SHC2: variants seen among roughly 807,000 people sequenced by gnomAD.
The protein encoded by SHC2 is SHC-transforming protein 2.
SHC2 carries 62 observed loss-of-function variants against 60.6 expected under a neutral mutation model. That is an observed-to-expected ratio of 1.02 (90% confidence interval 0.83 to 1.26). SHC2 has a LOEUF of 1.26. Ranked by LOEUF, SHC2 falls within the 50% of genes most tolerant of loss-of-function variation. SHC2 has a pLI of 0.00. For synonymous variants in SHC2, 375 were observed against 372.4 expected, an observed-to-expected ratio of 1.01 and a Z score of -0.08; for missense variants, 873 against 822.2, an observed-to-expected ratio of 1.06 and a Z score of -0.76.
chr19:430,629 G>A, intron 9 of SHC2, 55 bp downstream of exon 9: 2 of 1,465,828 alleles, frequency 1.4e-6, no homozygotes, highest in African/African-American at 2.8e-5. Flanking sequence ...ACAGGACAGG[G>A]CTGAGGAGCC....
In SHC2 at chr19:425,351, C is replaced by T. The variant is rs980597364; in HGVS notation, c.1175-120G>A. ...ACCACCTGTGCTGCTGGCTGCAGGG[C>T]GGATGCTGCTCTGGTCTCCCTGTGG... On this transcript the variant is annotated intron_variant, in intron 9 of 12. Transcript: ENST00000264554. This position sits in a 1 kb window ranked among gnomAD's most constrained non-coding sequence, Gnocchi z 4.1. The T allele has an allele frequency of 2.1e-5, 18 of 839,036 alleles. 1 individual carries two copies. In the African/African-American group the frequency reaches 2.8e-4, roughly 13 times the overall value. 52.0% of individuals were successfully genotyped at this position (839,036 alleles called of 1,614,324 possible). A position where few individuals can be genotyped will look rare whatever the true frequency, so the allele number is the denominator to read the frequency against.
At chr19:460,091 C>T (rs540662061) in intron 1 of SHC2, among the ~76,000 whole-genome samples, 7 of 152,380 alleles carry the variant, frequency 4.6e-5, no homozygotes, top group Non-Finnish European at 1.0e-4. Flanking sequence ...ATCTGGAATC[C>T]TGGGGTCTGT....
intron 9 of SHC2, among the ~76,000 whole-genome samples, chr19:429,221 A>C (rs1018112749): frequency 2.1e-5 from 3 of 144,144 alleles, no homozygotes; most frequent in Non-Finnish European, 4.5e-5. Flanking sequence ...AGAGAAACCT[A>C]ATACCGTGTG....
chr19:442,203 GATGA>G (rs1974888760), intron 1 of SHC2, among the ~76,000 whole-genome samples: 1 of 152,134 alleles, frequency 6.6e-6, no homozygotes, highest in Non-Finnish European at 1.5e-5. Flanking sequence ...CAGGTGGATG[GATGA>G]ATGAAAGAAT....
chr19:425,363 T>C lies in SHC2; in HGVS notation c.1175-132A>G. 1.3e-6 allele frequency: 1 copy of C among 744,830 alleles called. No individual in the cohort carries two copies. The highest frequency in any genetic ancestry group is 1.8e-6 in the Non-Finnish European group (1 of 541,994). The allele number at this position is 744,830 out of a possible 1,614,324, so 46.1% of individuals were successfully genotyped here. A position where few individuals can be genotyped will look rare whatever the true frequency, so the allele number is the denominator to read the frequency against. On this transcript the variant is annotated intron_variant, in intron 9 of 12. Coordinates refer to ENST00000264554, the MANE Select transcript of SHC2 (RefSeq NM_012435.3). The surrounding 1 kb of genome is among the most constrained non-coding windows in gnomAD (Gnocchi z 4.1). ...GCTGGCTGCAGGGCGGATGCTGCTC[T>C]GGTCTCCCTGTGGTAACCCGCCCGT...
At chr19:449,362 A>AAAAAG in intron 1 of SHC2, among the ~76,000 whole-genome samples, 1 of 151,970 alleles carries the variant, frequency 6.6e-6, no homozygotes, top group South Asian at 2.1e-4. Context: ...CCTGTCTCAA[A>AAAAAG]AAAAGAAAAA....
chr19:455,069 C>T (rs1401433498), intron 1 of SHC2, among the ~76,000 whole-genome samples: 6 of 152,248 alleles, frequency 3.9e-5, no homozygotes, highest in Non-Finnish European at 8.8e-5. Context: ...TTAATGACAC[C>T]TGCAGAGAGC....
In SHC2 at chr19:440,156, T is replaced by C. The variant is rs1165313744; in HGVS notation, c.539+706A>G. ...AGCGTGTGATCCCATTGCTATGAAA[T>C]GTCCAGGACAGGCCGATCCACAGAG... On this transcript the variant is annotated intron_variant, in intron 2 of 12. Coordinates refer to ENST00000264554, the MANE Select transcript of SHC2 (RefSeq NM_012435.3). This position sits in a 1 kb window ranked among gnomAD's most constrained non-coding sequence, Gnocchi z 7.0. Among the ~76,000 whole-genome samples the C allele has an allele frequency of 6.7e-6, 1 of 149,724 alleles. No homozygotes were observed. The highest frequency in any genetic ancestry group is 1.5e-5 in the Non-Finnish European group (1 of 67,540).
rs1035693874 is a variant in SHC2 at position 434,199 on chromosome 19, C to A, written c.1110+510G>T. Among the ~76,000 whole-genome samples, 5 of 85,508 alleles carry A rather than the reference C, an allele frequency of 5.8e-5. No individual in the cohort carries two copies. The South Asian group carries it at 2.0e-3, about 34-fold the overall frequency. 56.1% of individuals were successfully genotyped at this position (85,508 alleles called of 152,430 possible). A position where few individuals can be genotyped will look rare whatever the true frequency, so the allele number is the denominator to read the frequency against. On this transcript the variant is annotated intron_variant, in intron 8 of 12. Transcript: ENST00000264554. ...TAGAGGAGGCCGGGCAGATACACGG[C>A]GCCCCATTGTGAGCCTGTGATTGAG...
chr19:419,314 C>T (rs1410065868), intron 11 of SHC2: 13 of 438,818 alleles, frequency 3.0e-5, no homozygotes, highest in East Asian at 2.5e-4. Context: ...CGGGAAGATG[C>T]GGCCAGGTCC....
chr19:439,801 G>A (rs373202754), intron 2 of SHC2, among the ~76,000 whole-genome samples: 4 of 152,048 alleles, frequency 2.6e-5, no homozygotes, highest in Non-Finnish European at 4.4e-5. Context: ...TGAGACGGGC[G>A]GATCACCTGA....
In SHC2 at chr19:445,646, G is replaced by A. The variant is rs1174802562; in HGVS notation, c.469-4714C>T. Among the ~76,000 whole-genome samples the A allele has an allele frequency of 6.6e-6, 1 of 152,184 alleles. No homozygotes were observed. The highest frequency in any genetic ancestry group is 6.5e-5 in the Admixed American group (1 of 15,282). The stretch of plus-strand genomic sequence containing the variant: ...CCAGCTACTCAGGAGGCTGAGGTGG[G>A]AGGATGGCTTGAGCCCAGGAGGTTG... On this transcript the variant is annotated intron_variant, in intron 1 of 12. Transcript: ENST00000264554. This position sits in a 1 kb window ranked among gnomAD's most constrained non-coding sequence, Gnocchi z 4.4.
At chr19:419,298 T>C (rs1438130208) in intron 11 of SHC2, 1 of 476,888 alleles carries the variant, frequency 2.1e-6, no homozygotes, top group Admixed American at 3.5e-5. Context: ...AGCTGAAAGG[T>C]GACCGCGGGA....
At chr19:430,856 T>A (rs1342811852) in intron 8 of SHC2, 109 bp from the exon 9 acceptor site, 3 of 991,110 alleles carry the variant, frequency 3.0e-6, no homozygotes, top group Admixed American at 4.3e-5. Flanking sequence ...GACTTAGGGG[T>A]GGGGAGCACA....
At position 418,968 on chromosome 19, in the gene SHC2, C is replaced by T. The variant is rs1974211299; in HGVS notation, c.1709G>A (p.Ser570Asn). The T allele has an allele frequency of 6.3e-7, 1 of 1,585,742 alleles. No individual in the cohort carries two copies. ...GACCACGCCACGCAGGTGCAGCTCA[C>T]TCTCGGCGGCCACGATGGGCTGCCC... ...QNGQPIVAAESELHLRGVVSR... is the reference protein window; with the variant it reads ...QNGQPIVAAENELHLRGVVSR... The change falls in exon 12 of 13, where the codon AGT becomes AAT. Residue 570 changes from serine (S) to asparagine (N), a missense_variant. Coordinates refer to ENST00000264554, the MANE Select transcript of SHC2 (RefSeq NM_012435.3).
Position 438,258 on chromosome 19 carries a change from C to T in SHC2, c.720+460G>A, listed in dbSNP as rs553247631. On this transcript the variant is annotated intron_variant, in intron 4 of 12. Transcript: ENST00000264554. The surrounding 1 kb of genome is among the most constrained non-coding windows in gnomAD (Gnocchi z 5.0). The stretch of plus-strand genomic sequence containing the variant: ...CCTCCCAAAGTGCTGGGGTTACAGG[C>T]GTGAGCCACTGAGCCCGGCCTCACA... 3.3e-5 allele frequency among the ~76,000 whole-genome samples: 5 copies of T among 152,192 alleles called. No homozygotes were observed. Among genetic ancestry groups the T allele is most frequent in the South Asian group, 4.1e-4 (2 of 4,832 alleles).
At chr19:442,219 G>T in intron 1 of SHC2, among the ~76,000 whole-genome samples, 1 of 152,014 alleles carries the variant, frequency 6.6e-6, no homozygotes, top group Non-Finnish European at 1.5e-5. Context: ...TGAAAGAATG[G>T]ATGGAAGATG....
intron 9 of SHC2, among the ~76,000 whole-genome samples, chr19:430,283 C>T (rs1487397658): frequency 7.0e-6 from 1 of 143,580 alleles, no homozygotes; most frequent in African/African-American, 2.6e-5. Flanking sequence ...AGTACCTATA[C>T]CCCAACGTGC....
At chr19:420,911 G>C (rs1001802899) in intron 11 of SHC2, among the ~76,000 whole-genome samples, 1 of 152,042 alleles carries the variant, frequency 6.6e-6, no homozygotes. Flanking sequence ...TTAGTCAGGC[G>C]TGGTGGTGGG....
Sources: allele counts gnomAD v4.1 joint callset (sites outside exome capture counted in the v4.1 genomes callset), GRCh38; gene constraint gnomAD v4.1.1; non-coding constraint Gnocchi (gnomAD v3.1); transcripts MANE v1.5; gene names NCBI Gene and HGNC (gene_info 2026-07-23, HGNC 2026-07-21).